RGS9: variants seen among roughly 807,000 people sequenced by gnomAD.
RGS9 encodes the protein regulator of G-protein signalling 9.
In RGS9, 78 loss-of-function variants were observed where a neutral mutation model predicts 102.0. The ratio of observed to expected loss-of-function variants is 0.76; its 90% confidence interval spans 0.64 to 0.92. The LOEUF is 0.92. Ranked by LOEUF, RGS9 falls within the 40% of genes least tolerant of loss-of-function variation. The pLI is 0.00. For synonymous variants in RGS9, 353 were observed against 318.6 expected, an observed-to-expected ratio of 1.11 and a Z score of -1.15; for missense variants, 833 against 866.1, an observed-to-expected ratio of 0.96 and a Z score of 0.48.
Position 65,158,473 on chromosome 17 carries a change from T to C in RGS9, c.205+128T>C, listed in dbSNP as rs1910860066. ...TTTAATTGGACAGACATGACCTTCGTGTGTAAAAGTACCAGAATCAAAAGC... is the reference window on the plus strand; with the variant it reads ...TTTAATTGGACAGACATGACCTTCGCGTGTAAAAGTACCAGAATCAAAAGC... On this transcript the variant is annotated intron_variant, in intron 3 of 18. Transcript: ENST00000262406. 13 of 874,950 alleles carry C rather than the reference T, an allele frequency of 1.5e-5. No homozygotes were observed. The South Asian group carries it at 1.6e-4, about 11-fold the overall frequency. The allele number at this position is 874,950 out of a possible 1,614,324, so 54.2% of individuals were successfully genotyped here. A position where few individuals can be genotyped will look rare whatever the true frequency, so the allele number is the denominator to read the frequency against.
intron 11 of RGS9, among the ~76,000 whole-genome samples, chr17:65,192,193 ATTTG>A (rs1272429016): frequency 5.3e-5 from 8 of 152,202 alleles, no homozygotes; most frequent in Non-Finnish European, 1.0e-4. Flanking sequence ...AACATTTATC[ATTTG>A]TTTGTGTTGG....
At chr17:65,138,160 A>C (rs954682741) in intron 1 of RGS9, among the ~76,000 whole-genome samples, 3 of 152,204 alleles carry the variant, frequency 2.0e-5, no homozygotes, top group Non-Finnish European at 4.4e-5. Flanking sequence ...TTTCCCAGAC[A>C]AAGTGACCGG....
At chr17:65,154,097 G>A (rs1205099239) in intron 2 of RGS9, among the ~76,000 whole-genome samples, 5 of 151,992 alleles carry the variant, frequency 3.3e-5, no homozygotes, top group East Asian at 1.9e-4. Context: ...ACCTGAGGTC[G>A]GGAGTTCGAG....
At chr17:65,197,084 C>A in intron 12 of RGS9, 42 bp from the exon 13 acceptor site, 1 of 1,476,350 alleles carries the variant, frequency 6.8e-7, no homozygotes, top group Non-Finnish European at 9.4e-7. Flanking sequence ...CCACCTGTCA[C>A]AACCGCTACC....
intron 17 of RGS9, among the ~76,000 whole-genome samples, chr17:65,216,761 G>A (rs1913537233): frequency 6.6e-6 from 1 of 152,196 alleles, no homozygotes; most frequent in South Asian, 2.1e-4. Flanking sequence ...CATAACGGAT[G>A]CAGAACTGAA....
chr17:65,223,643 G>C (rs1048988090), intron 17 of RGS9, among the ~76,000 whole-genome samples: 2 of 152,236 alleles, frequency 1.3e-5, no homozygotes, highest in Non-Finnish European at 2.9e-5. Flanking sequence ...TCACTGAGCA[G>C]GGCAACTATG....
At chr17:65,137,645 C>T (rs1445489113) in intron 1 of RGS9, 48 bp downstream of exon 1, 1 of 1,591,564 alleles carries the variant, frequency 6.3e-7, no homozygotes, top group Non-Finnish European at 8.6e-7. Context: ...CGGGGGACCG[C>T]ATCTGCGAAG....
Position 65,193,608 on chromosome 17 carries a change from A to G in RGS9, c.812A>G (p.Asn271Ser). The G allele has an allele frequency of 6.2e-7, 1 of 1,613,866 alleles. No individual in the cohort carries two copies. Among genetic ancestry groups the G allele is most frequent in the East Asian group, 2.2e-5 (1 of 44,888 alleles). Residue 271 changes from asparagine to serine, a missense_variant, in exon 12 of 19, where the codon AAC becomes AGC. Asn to Ser is a conservative substitution (Grantham distance 46). Transcript: ENST00000262406. ...ATCATGTCAGGCTGCCTCCCCAGCAACCCCTGGATCACCGATGACACCCAG... is the reference window on the plus strand; with the variant it reads ...ATCATGTCAGGCTGCCTCCCCAGCAGCCCCTGGATCACCGATGACACCCAG... ...DAIMSGCLPS[N>S]PWITDDTQFW...
chr17:65,224,952 G>A, intron 17 of RGS9, 50 bp from the exon 18 acceptor site: 2 of 1,608,992 alleles, frequency 1.2e-6, no homozygotes, highest in Non-Finnish European at 1.7e-6. Flanking sequence ...GGCCCTGCTG[G>A]CTGGGGCCAT....
intron 13 of RGS9, 27 bp downstream of exon 13, chr17:65,197,268 T>C: frequency 7.1e-7 from 1 of 1,411,870 alleles, no homozygotes; most frequent in Non-Finnish European, 9.9e-7. Context: ...AAAAAAAAAT[T>C]AAAATAACTT....
At chr17:65,168,081 G>T in intron 7 of RGS9, 119 bp from the exon 8 acceptor site, 2 of 692,480 alleles carry the variant, frequency 2.9e-6, no homozygotes, top group Non-Finnish European at 5.3e-6. Context: ...TACTATTACG[G>T]TATATGTGAA....
chr17:65,154,716 G>C (rs979687474), intron 2 of RGS9, among the ~76,000 whole-genome samples: 5 of 152,270 alleles, frequency 3.3e-5, no homozygotes, highest in African/African-American at 1.2e-4. Context: ...AATATTAAGA[G>C]AGCATTTTGG....
intron 2 of RGS9, among the ~76,000 whole-genome samples, chr17:65,154,884 G>A (rs1222289501): frequency 6.6e-6 from 1 of 152,162 alleles, no homozygotes. Context: ...TGCCACCCCT[G>A]ACCTGACTAT....
At chr17:65,211,918 A>G (rs1483780528) in intron 17 of RGS9, among the ~76,000 whole-genome samples, 1 of 152,210 alleles carries the variant, frequency 6.6e-6, no homozygotes, top group Non-Finnish European at 1.5e-5. Context: ...GCAAGTGTTC[A>G]TTGTTCATGC....
At chr17:65,170,305 G>A (rs1046483143) in intron 8 of RGS9, among the ~76,000 whole-genome samples, 6 of 152,114 alleles carry the variant, frequency 3.9e-5, no homozygotes, top group Middle Eastern at 3.4e-3. Context: ...TGCCTGCCTC[G>A]GCCTCCCAAA....
At chr17:65,202,444 T>TGTGA (rs3838367) in intron 14 of RGS9, among the ~76,000 whole-genome samples, 1,934 of 131,698 alleles carry the variant, frequency 0.015, 26 homozygotes, top group Non-Finnish European at 0.016. Context: ...TGTGTGTGTG[T>TGTGA]GAGAGAGAGA....
At chr17:65,222,447 C>CCTACATGCCACAGTCACTGTGATT (rs1913734147) in intron 17 of RGS9, among the ~76,000 whole-genome samples, 1 of 152,134 alleles carries the variant, frequency 6.6e-6, no homozygotes, top group Non-Finnish European at 1.5e-5. Flanking sequence ...GGGTGGGAAT[C>CCTACATGCCACAGTCACTGTGATT]CTACATGCCA....
chr17:65,203,014 G>A (rs1168823468), intron 14 of RGS9, among the ~76,000 whole-genome samples: 1 of 152,260 alleles, frequency 6.6e-6, no homozygotes, highest in Non-Finnish European at 1.5e-5. Flanking sequence ...CCAGCCCTTT[G>A]CAGTCACCAG....
chr17:65,194,920 C>T (rs1912526680), intron 12 of RGS9, among the ~76,000 whole-genome samples: 1 of 152,224 alleles, frequency 6.6e-6, no homozygotes, highest in African/African-American at 2.4e-5. Flanking sequence ...TCATCTTAAG[C>T]AACACTGGTA....
Sources: allele counts gnomAD v4.1 joint callset (sites outside exome capture counted in the v4.1 genomes callset), GRCh38; gene constraint gnomAD v4.1.1; transcripts MANE v1.5; gene names NCBI Gene and HGNC (gene_info 2026-07-23, HGNC 2026-07-21).